Variants in CRISPLD2 observed in about 807,000 individuals in gnomAD.
The protein encoded by CRISPLD2 is cysteine rich secretory protein LCCL domain containing 2.
A neutral mutation model predicts 71.1 loss-of-function variants in CRISPLD2; 47 were observed. The observed-to-expected ratio is 0.66, with a 90% confidence interval of 0.52 to 0.84. CRISPLD2 has a LOEUF of 0.84. CRISPLD2 is among the 40% of genes least tolerant of loss of function. The pLI is 0.00. For synonymous variants in CRISPLD2, 317 were observed against 250.1 expected (o/e 1.27, Z -2.52); for missense variants, 830 against 651.1 (o/e 1.27, Z -2.99).
intron 13 of CRISPLD2, 70 bp from the exon 14 acceptor site, chr16:84,889,160 G>A: frequency 1.2e-6 from 2 of 1,606,628 alleles, no homozygotes; most frequent in Non-Finnish European, 1.7e-6. Flanking sequence ...AGTGAATGAT[G>A]GAGCCCCAGC....
At chr16:84,898,639 A>G (rs958985807) in intron 14 of CRISPLD2, among the ~76,000 whole-genome samples, 2 of 151,968 alleles carry the variant, frequency 1.3e-5, no homozygotes, top group African/African-American at 4.8e-5. Flanking sequence ...TTTCTTGCAT[A>G]TGTTTTGCTA....
At chr16:84,853,279 C>T (rs541158028) in intron 5 of CRISPLD2, among the ~76,000 whole-genome samples, 1 of 152,142 alleles carries the variant, frequency 6.6e-6, no homozygotes, top group Admixed American at 6.5e-5. Flanking sequence ...TGGGCTTCAC[C>T]CAGAGACAGG....
Position 84,909,387 on chromosome 16 carries a change from A to C in CRISPLD2, c.*2745A>C, listed in dbSNP as rs546496905. 3 of 152,784 alleles carry C rather than the reference A, an allele frequency of 2.0e-5. No homozygotes were observed. The highest frequency in any genetic ancestry group is 7.2e-5 in the African/African-American group (3 of 41,578). 9.5% of individuals were successfully genotyped at this position (152,784 alleles called of 1,614,324 possible). On this transcript the variant is annotated 3_prime_UTR_variant, in exon 15 of 15. Coordinates refer to ENST00000262424, the MANE Select transcript of CRISPLD2 (RefSeq NM_031476.4). Reference sequence around the variant, plus strand: ...ATTGTAAATGTTTTTTGTGCTTTGCATGAACAGGGGCCACGTTGTTGCAAT... The same window carrying C: ...ATTGTAAATGTTTTTTGTGCTTTGCCTGAACAGGGGCCACGTTGTTGCAAT...
At chr16:84,894,171 G>A (rs1212953714) in intron 14 of CRISPLD2, among the ~76,000 whole-genome samples, 1 of 152,144 alleles carries the variant, frequency 6.6e-6, no homozygotes, top group Non-Finnish European at 1.5e-5. Context: ...TAAGAGACTA[G>A]CACCTGCTCT....
At chr16:84,847,856 G>A (rs528654396) in intron 3 of CRISPLD2, among the ~76,000 whole-genome samples, 41 of 152,234 alleles carry the variant, frequency 2.7e-4, no homozygotes, top group African/African-American at 9.1e-4. Context: ...TACAATATCA[G>A]GAAATTTTCA....
intron 7 of CRISPLD2, among the ~76,000 whole-genome samples, chr16:84,868,385 T>C (rs1324015726): frequency 6.6e-6 from 1 of 152,202 alleles, no homozygotes; most frequent in African/African-American, 2.4e-5. Context: ...AAAAGGCATC[T>C]TGGCGATGGG....
intron 14 of CRISPLD2, among the ~76,000 whole-genome samples, chr16:84,891,274 C>G (rs918319160): frequency 6.6e-6 from 1 of 152,220 alleles, no homozygotes; most frequent in African/African-American, 2.4e-5. Flanking sequence ...CTCAGGCCTT[C>G]CTGCCTCCTG....
At chr16:84,898,497 A>G (rs2071725942) in intron 14 of CRISPLD2, among the ~76,000 whole-genome samples, 1 of 152,006 alleles carries the variant, frequency 6.6e-6, no homozygotes, top group Admixed American at 6.6e-5. Flanking sequence ...CTGGGCTCTC[A>G]TACGTTCCTG....
chr16:84,874,477 G>T (rs904411085), intron 11 of CRISPLD2, among the ~76,000 whole-genome samples: 5 of 152,152 alleles, frequency 3.3e-5, no homozygotes, highest in African/African-American at 4.8e-5. Context: ...TGGGATGCAC[G>T]ATGGGCGAGC....
intron 6 of CRISPLD2, among the ~76,000 whole-genome samples, chr16:84,866,604 C>T (rs115116569): frequency 0.01 from 1,579 of 152,120 alleles, 26 homozygotes; most frequent in African/African-American, 0.036. Context: ...GGACAAGAAA[C>T]CATTATGATA....
rs1026785194 is a variant in CRISPLD2 at position 84,826,213 on chromosome 16, C to G, written c.-75+6080C>G. Among the ~76,000 whole-genome samples the G allele has an allele frequency of 7.2e-5, 11 of 152,158 alleles. 1 individual carries two copies. The highest frequency in any genetic ancestry group is 1.5e-4 in the Non-Finnish European group (10 of 68,030). ...GTTCTGGTTATAGGGCCTGGTGTGA[C>G]CAGAAAGAAGTCACGAGTGACCTGG... On this transcript the variant is annotated intron_variant, in intron 1 of 14. Transcript: ENST00000262424.
intron 14 of CRISPLD2, among the ~76,000 whole-genome samples, chr16:84,902,304 T>G (rs1271821750): frequency 6.6e-6 from 1 of 151,958 alleles, no homozygotes; most frequent in African/African-American, 2.4e-5. Flanking sequence ...AAAGGCTGCA[T>G]GCAGAGAGTA....
In CRISPLD2 at chr16:84,906,786, G is replaced by T; in HGVS notation, c.*144G>T. On this transcript the variant is annotated 3_prime_UTR_variant, in exon 15 of 15. Transcript: ENST00000262424. ...AGTGTCCATCACTTTGTGGCCTGTG[G>T]GTGAGGTGACATCTCATCCCCTCAC... The T allele has an allele frequency of 1.1e-6, 1 of 945,068 alleles. No homozygotes were observed. 58.5% of individuals were successfully genotyped at this position (945,068 alleles called of 1,614,324 possible).
intron 14 of CRISPLD2, among the ~76,000 whole-genome samples, chr16:84,899,602 G>A (rs1007937781): frequency 1.3e-5 from 2 of 152,174 alleles, no homozygotes; most frequent in South Asian, 4.1e-4. Context: ...CAGTTGCACG[G>A]TGGCATCCTG....
chr16:84,840,622 T>A (rs761653062), intron 2 of CRISPLD2, among the ~76,000 whole-genome samples: 1 of 152,198 alleles, frequency 6.6e-6, no homozygotes, highest in Admixed American at 6.6e-5. Flanking sequence ...TTCTCCTGAC[T>A]CTGCCTCCTG....
chr16:84,842,675 A>T (rs554225072), intron 2 of CRISPLD2, among the ~76,000 whole-genome samples: 5 of 151,862 alleles, frequency 3.3e-5, no homozygotes, highest in Non-Finnish European at 5.9e-5. Context: ...TGCCCAACCT[A>T]CGTTTTTCTT....
rs34028519 is a variant in CRISPLD2, at chr16:84,875,414, C to CTTTTTTTTTTTT, written c.1156+1463_1156+1474dup. On this transcript the variant is annotated intron_variant, in intron 11 of 14. Transcript: ENST00000262424. ...GAGAAACATGAGATTTATGCATGGA[C>CTTTTTTTTTTTT]TTTTTTTTTTTTTTTTTTTTTTTGT... Among the ~76,000 whole-genome samples the CTTTTTTTTTTTT allele has an allele frequency of 4.4e-4, 39 of 87,782 alleles. 2 individuals are homozygous for CTTTTTTTTTTTT. Among genetic ancestry groups the CTTTTTTTTTTTT allele is most frequent in the African/African-American group, 2.0e-3 (36 of 18,012 alleles). The allele number at this position is 87,782 out of a possible 152,430, so 57.6% of individuals were successfully genotyped here.
chr16:84,843,845 C>G (rs1886600266), intron 2 of CRISPLD2, among the ~76,000 whole-genome samples: 1 of 152,232 alleles, frequency 6.6e-6, no homozygotes, highest in Non-Finnish European at 1.5e-5. Flanking sequence ...CTCAGGCATG[C>G]TACTTAACCT....
At chr16:84,877,403 G>T (rs764462662) in intron 11 of CRISPLD2, 35 bp from the exon 12 acceptor site, 3 of 1,605,022 alleles carry the variant, frequency 1.9e-6, no homozygotes, top group Non-Finnish European at 2.6e-6. Context: ...AGGCGTGCTG[G>T]GACCTGACCC....
Sources: gnomAD v4.1 joint callset for allele counts (sites outside exome capture counted in the v4.1 genomes callset) on GRCh38, gnomAD v4.1.1 for gene constraint, MANE v1.5 for transcripts, NCBI Gene and HGNC (gene_info 2026-07-23, HGNC 2026-07-21) for gene names.